The following ANGEL2 variants were observed in gnomAD, a reference collection of about 807,000 sequenced individuals.
ANGEL2 encodes the protein angel homolog 2.
ANGEL2 carries 41 observed loss-of-function variants against 66.0 expected under a neutral mutation model. The observed-to-expected ratio is 0.62, with a 90% CI of 0.48 to 0.81. The LOEUF is 0.81. Among genes scored for constraint, ANGEL2 ranks in the 30% least tolerant of loss-of-function variants. ANGEL2 has a pLI of 0.00. For synonymous variants in ANGEL2, 208 were observed against 226.5 expected (o/e 0.92, Z 0.73); for missense variants, 561 against 641.6 (o/e 0.87, Z 1.36).
intron 8 of ANGEL2, among the ~76,000 whole-genome samples, chr1:212,996,770 G>A (rs1047040911): frequency 7.3e-5 from 11 of 150,034 alleles, no homozygotes; most frequent in Admixed American, 3.3e-4. Context: ...AAGGCAGGAC[G>A]CCTCGGTAAA....
At position 213,008,287 on chromosome 1, in the gene ANGEL2, GTCTAT is replaced by G. The variant is rs1457416636; in HGVS notation, c.560_564del (p.Tyr187SerfsTer12). On this transcript the variant is annotated frameshift_variant, in exon 3 of 9. Transcript: ENST00000366962. LOFTEE classifies it high-confidence loss of function. ...CAGTGTAATACTGGCCGCCGGCAAT[GTCTAT>G]AAAGGTGAGAGTTATCTTCCAGTAA... is the stretch of plus-strand genomic sequence containing the variant. The G allele has an allele frequency of 3.7e-6, 6 of 1,614,098 alleles. No homozygotes were observed. Among genetic ancestry groups the G allele is most frequent in the Admixed American group, 1.7e-5 (1 of 60,026 alleles).
At chr1:213,004,865 CAAAA>C (rs60445711) in intron 5 of ANGEL2, among the ~76,000 whole-genome samples, 164 bp downstream of exon 5, 2 of 35,270 alleles carry the variant, frequency 5.7e-5, no homozygotes, top group African/African-American at 2.5e-4. Flanking sequence ...GAGACTGTCT[CAAAA>C]AAAAAAAAAA....
At chr1:213,007,531 G>C (rs547188274) in intron 3 of ANGEL2, among the ~76,000 whole-genome samples, 7 of 152,276 alleles carry the variant, frequency 4.6e-5, no homozygotes, top group African/African-American at 1.4e-4. Context: ...TTAAGAGGCA[G>C]ATTTCTTTGA....
In ANGEL2 at chr1:213,005,412, T is replaced by C; in HGVS notation, c.755A>G (p.Asp252Gly). Reference sequence around the variant, plus strand: ...ATGTTTGAAGCAAATAGCACAGCCATCAGGTTTCCTTCCTGTCCGCATCTT... The same window carrying C: ...ATGTTTGAAGCAAATAGCACAGCCACCAGGTTTCCTTCCTGTCCGCATCTT... ...EYKMRTGRKP[D>G]GCAICFKHSK... Residue 252 changes from aspartate to glycine, a missense_variant, in exon 5 of 9, where the codon GAT (aspartate) becomes GGT (glycine). Transcript: ENST00000366962. 4 of 1,612,870 alleles carry C rather than the reference T, an allele frequency of 2.5e-6. No individual in the cohort carries two copies. The highest frequency in any genetic ancestry group is 3.4e-6 in the Non-Finnish European group (4 of 1,179,260).
rs917354185 is a variant in ANGEL2, at chr1:213,005,605, G to A, written c.713-151C>T. On this transcript the variant is annotated intron_variant, in intron 4 of 8. Transcript: ENST00000366962. ...GTCAATAAACATTGGAATAAAAAAC[G>A]TTTGACACTGGGTCTAACAGGCCTC... 15 of 856,478 alleles carry A rather than the reference G, an allele frequency of 1.8e-5. No individual in the cohort carries two copies. The African/African-American group carries it at 1.9e-4, about 11-fold the overall frequency. The allele number at this position is 856,478 out of a possible 1,614,324, so 53.1% of individuals were successfully genotyped here.
At chr1:213,003,832 G>C (rs1215455642) in intron 5 of ANGEL2, among the ~76,000 whole-genome samples, 1 of 152,216 alleles carries the variant, frequency 6.6e-6, no homozygotes, top group Non-Finnish European at 1.5e-5. Flanking sequence ...AATGCAGTAT[G>C]TTTGAAGCTC....
intron 5 of ANGEL2, among the ~76,000 whole-genome samples, chr1:213,004,137 G>C (rs1353684757): frequency 6.6e-6 from 1 of 151,740 alleles, no homozygotes; most frequent in Non-Finnish European, 1.5e-5. Context: ...GGGAGACAGA[G>C]GATGCAGTGA....
chr1:213,004,895 CA>C (rs1485443635), intron 5 of ANGEL2, 137 bp downstream of exon 5: 2 of 214,432 alleles, frequency 9.3e-6, no homozygotes, highest in African/African-American at 5.6e-5. Context: ...AAAAAAAAGT[CA>C]TGGAAAATCA....
intron 1 of ANGEL2, chr1:213,015,020 G>T: frequency 4.5e-6 from 3 of 673,820 alleles, no homozygotes; most frequent in Non-Finnish European, 5.5e-6. Context: ...AGCACCTACT[G>T]AAGTGCTTTT....
At chr1:213,003,511 T>C (rs1422860285) in intron 5 of ANGEL2, among the ~76,000 whole-genome samples, 2 of 152,148 alleles carry the variant, frequency 1.3e-5, no homozygotes, top group African/African-American at 2.4e-5. Flanking sequence ...TTCAATATGG[T>C]TGTGCTTCAG....
intron 4 of ANGEL2, among the ~76,000 whole-genome samples, 190 bp from the exon 5 acceptor site, chr1:213,005,644 T>G (rs891927507): frequency 6.6e-6 from 1 of 152,256 alleles, no homozygotes; most frequent in Non-Finnish European, 1.5e-5. Context: ...ATGCGCAGAC[T>G]TCAGCCCTTG....
intron 1 of ANGEL2, among the ~76,000 whole-genome samples, 200 bp from the exon 2 acceptor site, chr1:213,013,618 A>T (rs1333504858): frequency 6.6e-6 from 1 of 152,216 alleles, no homozygotes; most frequent in Non-Finnish European, 1.5e-5. Context: ...AAAAACCATG[A>T]ATGGTATTCT....
At chr1:213,009,412 G>A (rs1272320446) in intron 2 of ANGEL2, among the ~76,000 whole-genome samples, 1 of 152,118 alleles carries the variant, frequency 6.6e-6, no homozygotes, top group Non-Finnish European at 1.5e-5. Flanking sequence ...ACAAAAAAAT[G>A]GGAAGAACAT....
At chr1:213,015,096 G>T in intron 1 of ANGEL2, 1 of 982,124 alleles carries the variant, frequency 1.0e-6, no homozygotes, top group Non-Finnish European at 1.2e-6. Context: ...CAAGAACTTG[G>T]CCATAACAGT....
At chr1:212,995,816 G>A (rs539655378) in intron 8 of ANGEL2, among the ~76,000 whole-genome samples, 1 of 151,884 alleles carries the variant, frequency 6.6e-6, no homozygotes, top group South Asian at 2.1e-4. Flanking sequence ...CCAGAAGAAA[G>A]GAGGGGGGAA....
chr1:213,005,357 T>TG lies in ANGEL2; in HGVS notation c.809dup (p.Val271SerfsTer7). On this transcript the variant is annotated frameshift_variant, in exon 5 of 9. Transcript: ENST00000366962. LOFTEE classifies it high-confidence loss of function. ...AAATATCAGGGCGGAAGAATTCCAC[T>TG]GGGTTCACTGACAAGAGTGAAAATT... is the stretch of plus-strand genomic sequence containing the variant. 1 of 1,614,252 alleles carries TG rather than the reference T, an allele frequency of 6.2e-7. No homozygotes were observed. Among genetic ancestry groups the TG allele is most frequent in the Non-Finnish European group, 8.5e-7 (1 of 1,180,048 alleles).
chr1:213,011,128 G>C, intron 2 of ANGEL2: 1 of 1,228,414 alleles, frequency 8.1e-7, no homozygotes. Flanking sequence ...AAGACAATTT[G>C]AAAACCACTG....
chr1:213,007,818 T>G (rs1229279240), intron 3 of ANGEL2, among the ~76,000 whole-genome samples: 1 of 152,128 alleles, frequency 6.6e-6, no homozygotes, highest in African/African-American at 2.4e-5. Flanking sequence ...AACCATTTAG[T>G]TCATAAATGC....
intron 3 of ANGEL2, among the ~76,000 whole-genome samples, 199 bp downstream of exon 3, chr1:213,008,011 G>A (rs767121509): frequency 7.2e-5 from 11 of 151,898 alleles, no homozygotes; most frequent in Admixed American, 3.9e-4. Context: ...TTACAGGCAT[G>A]AGCCACCACG....
Sources: gnomAD v4.1 joint callset for allele counts (sites outside exome capture counted in the v4.1 genomes callset) on GRCh38, gnomAD v4.1.1 for gene constraint, MANE v1.5 for transcripts, NCBI Gene and HGNC (gene_info 2026-07-23, HGNC 2026-07-21) for gene names.